The following BACH2 variants were observed in gnomAD, a reference collection of about 807,000 sequenced individuals.
BACH2 encodes the protein BACH transcriptional regulator 2.
In BACH2, 5 loss-of-function variants were observed where a neutral mutation model predicts 61.8. That is an observed-to-expected ratio of 0.08 (90% CI 0.04 to 0.17). The LOEUF is 0.17. Among genes scored for constraint, BACH2 ranks in the 10% least tolerant of loss-of-function variants. The probability of loss-of-function intolerance (pLI) is 1.00; values close to 1 mark genes in which losing one functional copy is unlikely to be tolerated. For missense variants in BACH2, 824 were observed against 1,091.1 expected, an observed-to-expected ratio of 0.76 and a Z score of 3.45; for synonymous variants, 446 against 440.1, an observed-to-expected ratio of 1.01 and a Z score of -0.17.
At chr6:90,279,850 G>A (rs1771806633) in intron 1 of BACH2, among the ~76,000 whole-genome samples, 1 of 152,098 alleles carries the variant, frequency 6.6e-6, no homozygotes, top group Non-Finnish European at 1.5e-5. Context: ...AACATCAAAA[G>A]AACAAGTGAC....
At chr6:90,196,680 T>C (rs766279080) in intron 4 of BACH2, among the ~76,000 whole-genome samples, 2 of 152,162 alleles carry the variant, frequency 1.3e-5, no homozygotes, top group Non-Finnish European at 2.9e-5. Context: ...ACAGTTCTCA[T>C]TAACAGGTGC....
rs1331995191 is a variant in BACH2, at chr6:89,928,989, C to G, written c.*3419G>C. 2 of 152,506 alleles carry G rather than the reference C, an allele frequency of 1.3e-5. No homozygotes were observed. The highest frequency in any genetic ancestry group is 4.8e-5 in the African/African-American group (2 of 41,336). The allele number at this position is 152,506 out of a possible 1,614,324, so 9.4% of individuals were successfully genotyped here. On this transcript the variant is annotated 3_prime_UTR_variant, in exon 9 of 9. Coordinates refer to ENST00000257749, the MANE Select transcript of BACH2 (RefSeq NM_021813.4). ...CAAACACATACAGCAAATCACTCAC[C>G]TGTCCAAAGCCTGACCAACTTGAAA...
chr6:90,210,675 T>C (rs184771761), intron 3 of BACH2, among the ~76,000 whole-genome samples: 583 of 152,322 alleles, frequency 3.8e-3, no homozygotes, highest in Middle Eastern at 0.01. Flanking sequence ...TTCTTTTTAT[T>C]GTTTTAAGAA....
At chr6:89,958,662 T>A (rs1774561324) in intron 6 of BACH2, among the ~76,000 whole-genome samples, 1 of 152,216 alleles carries the variant, frequency 6.6e-6, no homozygotes, top group African/African-American at 2.4e-5. Context: ...ACAGAGGTAT[T>A]TGCAGGATGC....
chr6:90,028,479 A>C (rs1211063558), intron 5 of BACH2, among the ~76,000 whole-genome samples: 1 of 152,166 alleles, frequency 6.6e-6, no homozygotes, highest in Admixed American at 6.5e-5. Context: ...GTTCTGCCCA[A>C]ATCAGAATCC....
At chr6:89,948,477 G>A (rs1418420116) in intron 7 of BACH2, among the ~76,000 whole-genome samples, 1 of 152,102 alleles carries the variant, frequency 6.6e-6, no homozygotes, top group Non-Finnish European at 1.5e-5. Flanking sequence ...CAAAATGCTA[G>A]GATTACAGGC....
intron 5 of BACH2, among the ~76,000 whole-genome samples, chr6:90,014,468 A>ATATATATTTTT (rs1222156456): frequency 3.1e-5 from 1 of 32,314 alleles, no homozygotes; most frequent in African/African-American, 2.1e-4. Flanking sequence ...ATATATATAT[A>ATATATATTTTT]TTTTTTTTTT....
intron 6 of BACH2, among the ~76,000 whole-genome samples, chr6:89,967,916 G>C (rs1775132215): frequency 6.6e-6 from 1 of 152,174 alleles, no homozygotes; most frequent in Non-Finnish European, 1.5e-5. Flanking sequence ...TATGTTTCAA[G>C]CAGCAACTCC....
At chr6:90,042,688 TAAAG>T (rs557684906) in intron 5 of BACH2, among the ~76,000 whole-genome samples, 187 of 152,256 alleles carry the variant, frequency 1.2e-3, no homozygotes, top group Non-Finnish European at 2.3e-3. Flanking sequence ...ATACAAACCA[TAAAG>T]AGATACAAAC....
intron 1 of BACH2, among the ~76,000 whole-genome samples, chr6:90,274,980 G>A (rs1258325553): frequency 6.6e-6 from 1 of 152,150 alleles, no homozygotes; most frequent in African/African-American, 2.4e-5. Context: ...ATGTCACTGG[G>A]TCCAAACGCA....
At chr6:90,228,076 A>G (rs1769974627) in intron 3 of BACH2, among the ~76,000 whole-genome samples, 1 of 152,250 alleles carries the variant, frequency 6.6e-6, no homozygotes, top group Non-Finnish European at 1.5e-5. Context: ...TGCAAAAATG[A>G]TTTCTAGATT....
At chr6:90,155,375 C>A (rs568523275) in intron 4 of BACH2, among the ~76,000 whole-genome samples, 24 of 152,106 alleles carry the variant, frequency 1.6e-4, no homozygotes, top group African/African-American at 5.3e-4. Context: ...ATGTTCCATT[C>A]GAAGACTATA....
At chr6:90,290,876 G>A (rs551782848) in intron 1 of BACH2, among the ~76,000 whole-genome samples, 3 of 152,176 alleles carry the variant, frequency 2.0e-5, no homozygotes, top group Non-Finnish European at 4.4e-5. Context: ...TTGTCTACAT[G>A]CCAGCTACAG....
chr6:90,016,807 GTT>G (rs959653011), intron 5 of BACH2, among the ~76,000 whole-genome samples: 1 of 144,014 alleles, frequency 6.9e-6, no homozygotes. Context: ...GTTGACAGGT[GTT>G]TTTTTTTTTT....
chr6:90,108,437 T>C (rs1783020377), intron 4 of BACH2, among the ~76,000 whole-genome samples: 1 of 152,126 alleles, frequency 6.6e-6, no homozygotes, highest in Non-Finnish European at 1.5e-5. Context: ...ATTGACATAA[T>C]AAGGAGAGGT....
intron 2 of BACH2, among the ~76,000 whole-genome samples, chr6:90,271,366 T>TAAAAAAAAAAAAAAAAAAA (rs3073450): frequency 3.9e-5 from 4 of 103,834 alleles, no homozygotes; most frequent in Non-Finnish European, 7.7e-5. Context: ...CAACCCCATT[T>TAAAAAAAAAAAAAAAAAAA]AAAAAAAAAA....
At chr6:89,986,207 G>T (rs1340261772) in intron 6 of BACH2, among the ~76,000 whole-genome samples, 1 of 150,094 alleles carries the variant, frequency 6.7e-6, no homozygotes. Flanking sequence ...CGGTATGTGT[G>T]TTAAAGTCTG....
chr6:90,258,556 T>C (rs957395968), intron 2 of BACH2, among the ~76,000 whole-genome samples: 4 of 152,338 alleles, frequency 2.6e-5, no homozygotes, highest in South Asian at 2.1e-4. Context: ...GGGTCTTTCA[T>C]GGTTCTGTAC....
At chr6:90,059,179 G>A (rs1244850107) in intron 5 of BACH2, among the ~76,000 whole-genome samples, 2 of 152,252 alleles carry the variant, frequency 1.3e-5, no homozygotes, top group Non-Finnish European at 1.5e-5. Flanking sequence ...CCATCAGAGT[G>A]AACAGGCAAC....
Sources: gnomAD v4.1 joint callset for allele counts (sites outside exome capture counted in the v4.1 genomes callset) on GRCh38, gnomAD v4.1.1 for gene constraint, MANE v1.5 for transcripts, NCBI Gene and HGNC (gene_info 2026-07-23, HGNC 2026-07-21) for gene names.